CA5B: variants seen among roughly 807,000 people sequenced by gnomAD.
CA5B encodes carbonic anhydrase 5B, mitochondrial.
Under a neutral mutation model 23.1 loss-of-function variants are expected in CA5B, and 15 were observed. The ratio of observed to expected loss-of-function variants is 0.65; its 90% CI spans 0.43 to 1.00. The LOEUF is 1.00. CA5B is among the 50% of genes least tolerant of loss of function. The pLI, the probability that CA5B is intolerant of heterozygous loss-of-function variation, is 0.00. For missense variants in CA5B, 236 were observed against 252.2 expected (o/e 0.94, Z 0.43); for synonymous variants, 84 against 98.5 (o/e 0.85, Z 0.87).
intron 3 of CA5B, among the ~76,000 whole-genome samples, chrX:15,771,259 TACTC>T (rs1255242736): frequency 1.0e-5 from 1 of 96,551 alleles, no homozygotes; most frequent in Non-Finnish European, 2.1e-5. Context: ...TAGTCCCAAC[TACTC>T]AGGAGACTGA....
Position 15,752,164 on chromosome X carries a change from A to T in CA5B, c.142+1999A>T, listed in dbSNP as rs189919753. On this transcript the variant is annotated intron_variant, in intron 2 of 7. Transcript: ENST00000318636. ...ATAAATCAATACATGTAAGGTATAC[A>T]TTGTGAGGACGAAACTCTGATTTTT... 5.7e-3 allele frequency among the ~76,000 whole-genome samples: 629 copies of T among 109,898 alleles called. 1 individual carries two copies. The highest frequency in any genetic ancestry group is 0.023 in the Middle Eastern group (5 of 213).
intron 3 of CA5B, among the ~76,000 whole-genome samples, chrX:15,766,192 C>T (rs1014538280): frequency 8.4e-5 from 9 of 107,628 alleles, no homozygotes; most frequent in African/African-American, 2.4e-4. Context: ...AATATTCACT[C>T]CTGCATTTAT....
intron 1 of CA5B, among the ~76,000 whole-genome samples, chrX:15,740,993 C>T (rs1207913392): frequency 3.6e-5 from 4 of 110,889 alleles, no homozygotes; most frequent in South Asian, 3.8e-4. Flanking sequence ...GCGTGGGAGG[C>T]GGAGGGTACA....
intron 7 of CA5B, among the ~76,000 whole-genome samples, chrX:15,777,830 GA>G (rs1446685713): frequency 1.8e-5 from 2 of 112,056 alleles, no homozygotes; most frequent in Non-Finnish European, 1.9e-5. Context: ...CTTGATAAAA[GA>G]GATTGATCTC....
chrX:15,780,894 T>G (rs1261574102), intron 7 of CA5B, among the ~76,000 whole-genome samples: 1 of 112,414 alleles, frequency 8.9e-6, no homozygotes, highest in East Asian at 2.8e-4. Flanking sequence ...CCCCAGGCTG[T>G]CTTCTCAGTT....
chrX:15,758,504 A>T (rs1357747809), intron 2 of CA5B, among the ~76,000 whole-genome samples: 2 of 110,554 alleles, frequency 1.8e-5, no homozygotes, highest in East Asian at 2.8e-4. Flanking sequence ...TTATTTTTTT[A>T]TTTTTATTTT....
intron 3 of CA5B, among the ~76,000 whole-genome samples, chrX:15,770,422 C>T (rs1931795508): frequency 8.9e-6 from 1 of 112,146 alleles, no homozygotes; most frequent in African/African-American, 3.2e-5. Context: ...TCACTATCTT[C>T]TGTCTACCTG....
At chrX:15,774,490 G>T in intron 5 of CA5B, 93 bp downstream of exon 5, 1 of 1,009,308 alleles carries the variant, frequency 9.9e-7, no homozygotes, top group Non-Finnish European at 1.4e-6. Context: ...AGAATGTTGG[G>T]ATCCATACAT....
At chrX:15,776,338 C>CAAAAAAAA (rs1204466142) in intron 6 of CA5B, among the ~76,000 whole-genome samples, 2 of 43,492 alleles carry the variant, frequency 4.6e-5, no homozygotes, top group Non-Finnish European at 8.3e-5. Flanking sequence ...GACTCTGTCT[C>CAAAAAAAA]AAAAAAAAAA....
At chrX:15,775,959 C>T in intron 6 of CA5B, 5 of 751,631 alleles carry the variant, frequency 6.7e-6, no homozygotes, top group Non-Finnish European at 7.8e-6. Context: ...CTGTTTTTCC[C>T]TCTCTTTCCT....
Position 15,782,476 on chromosome X carries a change from T to C in CA5B, c.775-9T>C. On this transcript the variant is annotated splice_polypyrimidine_tract_variant and intron_variant, in intron 7 of 7. Transcript: ENST00000318636. ...TGAAATTATTTATGCTTTCTGTTTCTATTTCTAGCTTGAGCAATTTCGGAC... is the reference window on the plus strand; with the variant it reads ...TGAAATTATTTATGCTTTCTGTTTCCATTTCTAGCTTGAGCAATTTCGGAC... The C allele has an allele frequency of 3.8e-6, 4 of 1,058,867 alleles. No homozygotes were observed. The highest frequency in any genetic ancestry group is 5.2e-6 in the Non-Finnish European group (4 of 771,961). The allele number at this position is 1,058,867 out of a possible 1,213,427, so 87.3% of individuals were successfully genotyped here.
intron 1 of CA5B, among the ~76,000 whole-genome samples, chrX:15,747,926 GAGAGGAGAGCAGCTCTCTCTCTTGCA>G (rs1289542700): frequency 9.0e-6 from 1 of 110,924 alleles, no homozygotes; most frequent in African/African-American, 3.3e-5. Flanking sequence ...TTTCTCTTGC[GAGAGGAGAGCAGCTCTCTCTCTTGCA>G]AGAGAGGCGT....
intron 3 of CA5B, among the ~76,000 whole-genome samples, chrX:15,771,015 G>A (rs1156526889): frequency 1.9e-5 from 2 of 106,565 alleles, no homozygotes; most frequent in African/African-American, 3.4e-5. Flanking sequence ...TGATCCGCCC[G>A]CCTCAGCCTC....
intron 3 of CA5B, 142 bp downstream of exon 3, chrX:15,764,917 G>T: frequency 1.0e-6 from 1 of 1,002,601 alleles, no homozygotes; most frequent in Non-Finnish European, 1.3e-6. Flanking sequence ...CTTTTTGAAT[G>T]TGTGAAAAAA....
chrX:15,762,829 A>G (rs755545930), intron 2 of CA5B: 103 of 371,106 alleles, frequency 2.8e-4, no homozygotes, highest in Non-Finnish European at 5.0e-4. Flanking sequence ...TCTAAAGGAC[A>G]GGGAAATGGA....
intron 7 of CA5B, among the ~76,000 whole-genome samples, chrX:15,782,246 C>T (rs1932037354): frequency 8.9e-6 from 1 of 112,113 alleles, no homozygotes; most frequent in Admixed American, 9.5e-5. Flanking sequence ...CCCAAGTGCC[C>T]TCCTGGTTTC....
chrX:15,782,471 G>A lies in CA5B; in HGVS notation c.775-14G>A. 8.4e-7 allele frequency: 1 copy of A among 1,196,720 alleles called. No individual in the cohort carries two copies. The highest frequency in any genetic ancestry group is 1.8e-5 in the South Asian group (1 of 56,035). ...TCTGTTGAAATTATTTATGCTTTCT[G>A]TTTCTATTTCTAGCTTGAGCAATTT... On this transcript the variant is annotated splice_polypyrimidine_tract_variant and intron_variant, in intron 7 of 7. Transcript: ENST00000318636.
At chrX:15,751,642 A>G (rs778270949) in intron 2 of CA5B, among the ~76,000 whole-genome samples, 1 of 110,361 alleles carries the variant, frequency 9.1e-6, no homozygotes, top group African/African-American at 3.3e-5. Flanking sequence ...AACAAACAGT[A>G]GTGGCTTCGG....
At chrX:15,772,891 T>C (rs1264788145) in intron 4 of CA5B, among the ~76,000 whole-genome samples, 4 of 112,145 alleles carry the variant, frequency 3.6e-5, no homozygotes, top group South Asian at 3.7e-4. Flanking sequence ...CCAGGGAACA[T>C]TGTGGAGCCA....
Sources: allele counts gnomAD v4.1 joint callset (sites outside exome capture counted in the v4.1 genomes callset), GRCh38; gene constraint gnomAD v4.1.1; transcripts MANE v1.5; gene names NCBI Gene and HGNC (gene_info 2026-07-23, HGNC 2026-07-21).